SSR1: variants seen among roughly 807,000 people sequenced by gnomAD.
SSR1 encodes signal sequence receptor subunit 1.
SSR1 carries 13 observed loss-of-function variants against 36.1 expected under a neutral mutation model. The observed-to-expected ratio is 0.36, with a 90% CI of 0.23 to 0.57. The LOEUF is 0.57. Ranked by LOEUF, SSR1 falls within the 20% of genes least tolerant of loss-of-function variation. SSR1 has a pLI of 0.81. For synonymous variants in SSR1, 113 were observed against 118.9 expected (o/e 0.95, Z 0.32); for missense variants, 291 against 338.5 (o/e 0.86, Z 1.10).
intron 2 of SSR1, among the ~76,000 whole-genome samples, chr6:7,305,948 G>A (rs530844550): frequency 2.0e-5 from 3 of 152,250 alleles, no homozygotes; most frequent in Non-Finnish European, 2.9e-5. Flanking sequence ...TCTGCTACCC[G>A]GTAAAACTCC....
rs1757529138 is a variant in SSR1, at chr6:7,285,428, C to T, written c.*4436G>A. ...CAGTGGCTCACGCCTGTAAGCCTGA[C>T]ACTTTGTGAGGCCAAGGTGGGTGAA... On this transcript the variant is annotated 3_prime_UTR_variant, in exon 8 of 8. Coordinates refer to ENST00000244763, the MANE Select transcript of SSR1 (RefSeq NM_003144.5). The surrounding 1 kb of genome is among the most constrained non-coding windows in gnomAD (Gnocchi z 4.1). 1.3e-5 allele frequency: 2 copies of T among 152,268 alleles called. No homozygotes were observed. Among genetic ancestry groups the T allele is most frequent in the Admixed American group, 6.5e-5 (1 of 15,278 alleles). The allele number at this position is 152,268 out of a possible 1,614,324, so 9.4% of individuals were successfully genotyped here.
chr6:7,292,889 T>C (rs1409802936), intron 7 of SSR1, among the ~76,000 whole-genome samples: 1 of 151,934 alleles, frequency 6.6e-6, no homozygotes, highest in Non-Finnish European at 1.5e-5. Flanking sequence ...TATACTGCAA[T>C]ATGACAGCTA....
rs924570641 is a variant in SSR1 at position 7,299,530 on chromosome 6, C to T, written c.544-707G>A. On this transcript the variant is annotated intron_variant, in intron 4 of 7. Transcript: ENST00000244763. ...CCTGGCCAACATGGAGAAACCCCCTCTCTACTAAAAATACAAAATTAGCCG... is the reference window on the plus strand; with the variant it reads ...CCTGGCCAACATGGAGAAACCCCCTTTCTACTAAAAATACAAAATTAGCCG... Among the ~76,000 whole-genome samples the T allele has an allele frequency of 3.3e-5, 5 of 152,078 alleles. No homozygotes were observed. The East Asian group carries it at 9.7e-4, about 29-fold the overall frequency.
intron 5 of SSR1, chr6:7,298,545 C>A: frequency 1.9e-6 from 1 of 520,430 alleles, no homozygotes; most frequent in South Asian, 3.2e-5. Flanking sequence ...AGAGATTCTT[C>A]CATCAGTTTC....
chr6:7,296,082 A>G (rs1356453705), intron 6 of SSR1, among the ~76,000 whole-genome samples: 1 of 152,246 alleles, frequency 6.6e-6, no homozygotes, highest in Non-Finnish European at 1.5e-5. Flanking sequence ...CAGACAAAAC[A>G]AAACGAAACC....
At chr6:7,299,421 G>C (rs962528306) in intron 4 of SSR1, among the ~76,000 whole-genome samples, 1 of 152,148 alleles carries the variant, frequency 6.6e-6, no homozygotes, top group Non-Finnish European at 1.5e-5. Context: ...CAGTGGTGCC[G>C]GGTGCGGTGG....
intron 2 of SSR1, among the ~76,000 whole-genome samples, chr6:7,304,854 T>C (rs1440726469): frequency 6.6e-6 from 1 of 152,154 alleles, no homozygotes; most frequent in African/African-American, 2.4e-5. Context: ...CTCCAATAGA[T>C]AAAACTTGTC....
At chr6:7,310,177 G>T in intron 1 of SSR1, 148 bp from the exon 2 acceptor site, 1 of 571,138 alleles carries the variant, frequency 1.8e-6, no homozygotes. Flanking sequence ...ATGCACCGAA[G>T]AATATTTATA....
chr6:7,289,058 C>T lies in SSR1; in HGVS notation c.*806G>A, dbSNP rs1462836779. On this transcript the variant is annotated 3_prime_UTR_variant, in exon 8 of 8. Transcript: ENST00000244763. ...TCTCTCTCAAAACAAAACAAAAAAA[C>T]CTACACACAACTGAGTGAGTAGGTC... 6.6e-6 allele frequency: 1 copy of T among 152,124 alleles called. No individual in the cohort carries two copies. The highest frequency in any genetic ancestry group is 1.5e-5 in the Non-Finnish European group (1 of 68,030). 9.4% of individuals were successfully genotyped at this position (152,124 alleles called of 1,614,324 possible).
rs1757441127 is a variant in SSR1, at chr6:7,282,311, A to G, written c.*7553T>C. ...CAGGAGAACCACAGAGATGGAAGCC[A>G]GGAGGTGTCCAATTAGACGGGCACA... On this transcript the variant is annotated 3_prime_UTR_variant, in exon 8 of 8. Coordinates refer to ENST00000244763, the MANE Select transcript of SSR1 (RefSeq NM_003144.5). The G allele has an allele frequency of 6.6e-6, 1 of 152,310 alleles. No individual in the cohort carries two copies. Among genetic ancestry groups the G allele is most frequent in the Admixed American group, 6.5e-5 (1 of 15,282 alleles). 9.4% of individuals were successfully genotyped at this position (152,310 alleles called of 1,614,324 possible). A position where few individuals can be genotyped will look rare whatever the true frequency, so the allele number is the denominator to read the frequency against.
At chr6:7,298,074 A>G in intron 5 of SSR1, 73 bp from the exon 6 acceptor site, 2 of 1,082,238 alleles carry the variant, frequency 1.8e-6, no homozygotes, top group Non-Finnish European at 2.7e-6. Flanking sequence ...AACTATAATT[A>G]TAACACATAA....
rs1009174424 is a variant in SSR1, at chr6:7,283,811, T to C, written c.*6053A>G. ...AGAACCCAGGTGAGTGCACTCTGCA[T>C]TACTGAGAATGTGCTCCCTGCCAAA... On this transcript the variant is annotated 3_prime_UTR_variant, in exon 8 of 8. Transcript: ENST00000244763. 6.6e-6 allele frequency: 1 copy of C among 152,234 alleles called. No homozygotes were observed. The highest frequency in any genetic ancestry group is 2.4e-5 in the African/African-American group (1 of 41,462). 9.4% of individuals were successfully genotyped at this position (152,234 alleles called of 1,614,324 possible). A position where few individuals can be genotyped will look rare whatever the true frequency, so the allele number is the denominator to read the frequency against.
intron 1 of SSR1, among the ~76,000 whole-genome samples, chr6:7,311,771 G>C (rs1758199234): frequency 6.6e-6 from 1 of 151,484 alleles, no homozygotes; most frequent in South Asian, 2.1e-4. Context: ...CACAAAAACC[G>C]TTTCTCACAA....
Position 7,303,569 on chromosome 6 carries a change from T to C in SSR1, c.261A>G (p.Ile87Met). Residue 87 changes from isoleucine to methionine, a missense_variant, in exon 3 of 8, where the codon ATA (isoleucine) becomes ATG (methionine). By Grantham distance (10) the Ile-to-Met change is conservative (BLOSUM62 1). Transcript: ENST00000244763. ...PEASPSADTT[I>M]LFVKGEDFPA... ...TATTACCTTCTCCTTTTACAAACAG[T>C]ATAGTTGTATCTGCACTCGGTGAAG... 1 of 1,612,454 alleles carries C rather than the reference T, an allele frequency of 6.2e-7. No homozygotes were observed. Among genetic ancestry groups the C allele is most frequent in the South Asian group, 1.1e-5 (1 of 91,024 alleles).
At chr6:7,293,007 C>T (rs895307220) in intron 7 of SSR1, among the ~76,000 whole-genome samples, 8 of 152,106 alleles carry the variant, frequency 5.3e-5, no homozygotes, top group Non-Finnish European at 7.4e-5. Context: ...CTAGCCAATA[C>T]AGTCATCTCT....
At chr6:7,302,508 G>A (rs1252965814) in intron 3 of SSR1, among the ~76,000 whole-genome samples, 1 of 152,204 alleles carries the variant, frequency 6.6e-6, no homozygotes, top group Non-Finnish European at 1.5e-5. Flanking sequence ...GCTCACACCT[G>A]TAATCCCAGT....
intron 6 of SSR1, among the ~76,000 whole-genome samples, chr6:7,295,880 G>T (rs997211562): frequency 6.6e-6 from 1 of 151,964 alleles, no homozygotes; most frequent in African/African-American, 2.4e-5. Context: ...TGCTATAAAG[G>T]TTCATGTTAT....
At chr6:7,293,310 C>T (rs1434060978) in intron 7 of SSR1, among the ~76,000 whole-genome samples, 2 of 152,016 alleles carry the variant, frequency 1.3e-5, no homozygotes, top group African/African-American at 4.8e-5. Context: ...GCTGTGTATA[C>T]GATAACCCAT....
Position 7,313,029 on chromosome 6 carries a change from C to G in SSR1, c.79+13G>C. The G allele has an allele frequency of 6.3e-7, 1 of 1,593,328 alleles. No individual in the cohort carries two copies. On this transcript the variant is annotated intron_variant, in intron 1 of 7. Coordinates refer to ENST00000244763, the MANE Select transcript of SSR1 (RefSeq NM_003144.5). ...TTCCTGGCCATCCCCTCCGCACACT[C>G]CCCCAGCCTCACCTCTGGGGCCGCC...
Sources: gnomAD v4.1 joint callset for allele counts (sites outside exome capture counted in the v4.1 genomes callset) on GRCh38, gnomAD v4.1.1 for gene constraint, Gnocchi (gnomAD v3.1) non-coding constraint, MANE v1.5 for transcripts, NCBI Gene and HGNC (gene_info 2026-07-23, HGNC 2026-07-21) for gene names.